MARCHF3: variants seen among roughly 807,000 people sequenced by gnomAD.
MARCHF3 encodes the protein membrane associated ring-CH-type finger 3.
In MARCHF3, 13 loss-of-function variants were observed where a neutral mutation model predicts 24.2. That is an observed-to-expected ratio of 0.54 (90% CI 0.35 to 0.85). The LOEUF is 0.85. MARCHF3 is among the 40% of genes least tolerant of loss of function. The pLI is 0.01. For missense variants in MARCHF3, 276 were observed against 325.0 expected, an observed-to-expected ratio of 0.85 and a Z score of 1.16; for synonymous variants, 144 against 137.3, an observed-to-expected ratio of 1.05 and a Z score of -0.34.
intron 3 of MARCHF3, among the ~76,000 whole-genome samples, chr5:126,905,656 C>A (rs932942382): frequency 1.3e-5 from 2 of 151,948 alleles, no homozygotes; most frequent in East Asian, 3.8e-4. Context: ...GATTTTTGTA[C>A]ATTGATTTTG....
intron 1 of MARCHF3, among the ~76,000 whole-genome samples, chr5:127,020,451 T>TC (rs1752758198): frequency 6.6e-6 from 1 of 152,164 alleles, no homozygotes; most frequent in African/African-American, 2.4e-5. Context: ...TATTTATATC[T>TC]CCCCAAAAAG....
At chr5:126,891,349 A>ATG (rs1017206610) in intron 3 of MARCHF3, among the ~76,000 whole-genome samples, 12 of 118,450 alleles carry the variant, frequency 1.0e-4, no homozygotes, top group African/African-American at 4.2e-4. Context: ...TGTTTTAGAC[A>ATG]TGAAGTCCTT....
chr5:126,952,943 A>G (rs1455535874), intron 1 of MARCHF3, among the ~76,000 whole-genome samples: 1 of 152,204 alleles, frequency 6.6e-6, no homozygotes, highest in Non-Finnish European at 1.5e-5. Context: ...ATGATTCTAT[A>G]GATATTATTT....
chr5:126,920,578 C>CCAAA (rs1749075400), intron 1 of MARCHF3, among the ~76,000 whole-genome samples: 1 of 152,088 alleles, frequency 6.6e-6, no homozygotes. Flanking sequence ...GCTCAGAGGG[C>CCAAA]CAAACACTCC....
At chr5:126,973,875 ATC>A (rs1751101698) in intron 1 of MARCHF3, among the ~76,000 whole-genome samples, 1 of 142,032 alleles carries the variant, frequency 7.0e-6, no homozygotes, top group African/African-American at 2.6e-5. Flanking sequence ...ATTAAGCAAA[ATC>A]TATTTTTTTT....
chr5:126,984,756 C>T (rs892400497), intron 1 of MARCHF3, among the ~76,000 whole-genome samples: 2 of 152,230 alleles, frequency 1.3e-5, no homozygotes, highest in African/African-American at 4.8e-5. Flanking sequence ...GAGGATACTC[C>T]TATGCACTGA....
intron 3 of MARCHF3, among the ~76,000 whole-genome samples, chr5:126,910,942 C>T (rs984439263): frequency 2.6e-5 from 4 of 152,268 alleles, no homozygotes; most frequent in Admixed American, 6.5e-5. Context: ...AGAATGCGTC[C>T]CTGAGGGTAG....
chr5:126,940,208 C>T (rs938896999), intron 1 of MARCHF3, among the ~76,000 whole-genome samples: 21 of 152,138 alleles, frequency 1.4e-4, no homozygotes, highest in Non-Finnish European at 2.9e-4. Flanking sequence ...GAAACTGCTT[C>T]AAGTATTGAT....
chr5:126,991,652 C>G (rs897037590), intron 1 of MARCHF3, among the ~76,000 whole-genome samples: 13 of 151,766 alleles, frequency 8.6e-5, no homozygotes, highest in African/African-American at 3.1e-4. Context: ...ACCCAGGAGG[C>G]AGAGGTTGCA....
chr5:126,898,400 G>A (rs1289828975), intron 3 of MARCHF3, among the ~76,000 whole-genome samples: 1 of 151,972 alleles, frequency 6.6e-6, no homozygotes, highest in Non-Finnish European at 1.5e-5. Context: ...ATACATATAA[G>A]GCATGTCTTA....
In MARCHF3 at chr5:126,998,480, C is replaced by CACCAA. The variant is rs1276874679; in HGVS notation, c.-57+31869_-57+31870insTTGGT. On this transcript the variant is annotated intron_variant, in intron 1 of 4. Transcript: ENST00000308660. ...TTGGCCTTTCACCAACATGCTTGTT[C>CACCAA]CTTGACTTGGCTCTCAGCAAACCCC... 1.3e-3 allele frequency among the ~76,000 whole-genome samples: 193 copies of CACCAA among 152,326 alleles called. 1 individual carries two copies. The highest frequency in any genetic ancestry group is 4.5e-3 in the African/African-American group (186 of 41,582).
intron 3 of MARCHF3, among the ~76,000 whole-genome samples, chr5:126,881,627 T>C (rs146064721): frequency 3.2e-4 from 48 of 152,300 alleles, no homozygotes; most frequent in Non-Finnish European, 1.5e-4. Context: ...GACATACTGC[T>C]GAGCAGAAAA....
intron 1 of MARCHF3, among the ~76,000 whole-genome samples, chr5:126,988,164 C>T (rs955513538): frequency 2.6e-5 from 4 of 152,192 alleles, no homozygotes; most frequent in Admixed American, 2.0e-4. Flanking sequence ...AATCCCCTTA[C>T]CACACACACA....
chr5:126,949,616 G>A (rs975669017), intron 1 of MARCHF3, among the ~76,000 whole-genome samples: 2 of 152,162 alleles, frequency 1.3e-5, no homozygotes, highest in Admixed American at 6.5e-5. Flanking sequence ...CATCCTAGGA[G>A]GCCCTGGAGA....
At chr5:126,878,051 T>C in intron 4 of MARCHF3, 134 bp downstream of exon 4, 1 of 790,502 alleles carries the variant, frequency 1.3e-6, no homozygotes, top group Non-Finnish European at 2.1e-6. Context: ...CCAAATCTCA[T>C]GCTCCCGCCA....
At chr5:126,880,431 T>C (rs1051208166) in intron 3 of MARCHF3, among the ~76,000 whole-genome samples, 1 of 152,226 alleles carries the variant, frequency 6.6e-6, no homozygotes, top group African/African-American at 2.4e-5. Flanking sequence ...CAAATGATAT[T>C]AATCCTGCCA....
At chr5:126,981,281 T>C (rs1344996493) in intron 1 of MARCHF3, among the ~76,000 whole-genome samples, 1 of 152,206 alleles carries the variant, frequency 6.6e-6, no homozygotes, top group Non-Finnish European at 1.5e-5. Flanking sequence ...GTAGGGGGAC[T>C]CTACCTCCCC....
chr5:126,985,510 C>T (rs1270487694), intron 1 of MARCHF3, among the ~76,000 whole-genome samples: 1 of 150,596 alleles, frequency 6.6e-6, no homozygotes, highest in African/African-American at 2.4e-5. Context: ...CACTCTGTCG[C>T]CCAGGCTGGA....
chr5:126,895,789 G>A (rs1476222003), intron 3 of MARCHF3, among the ~76,000 whole-genome samples: 3 of 152,180 alleles, frequency 2.0e-5, no homozygotes, highest in Non-Finnish European at 4.4e-5. Flanking sequence ...TGCCCCCAGA[G>A]GTGGAGCCTA....
Sources: gnomAD v4.1 joint callset for allele counts (sites outside exome capture counted in the v4.1 genomes callset) on GRCh38, gnomAD v4.1.1 for gene constraint, MANE v1.5 for transcripts, NCBI Gene and HGNC (gene_info 2026-07-23, HGNC 2026-07-21) for gene names.